Variants in UTP6 observed in about 807,000 individuals in gnomAD.
UTP6 encodes UTP6 small subunit processome component.
In UTP6, 60 loss-of-function variants were observed where a neutral mutation model predicts 96.5. The ratio of observed to expected loss-of-function variants is 0.62; its 90% CI spans 0.51 to 0.77. The LOEUF (loss-of-function observed/expected upper bound fraction) is 0.77, where lower values mean the gene tolerates loss of function less well. UTP6 is among the 30% of genes least tolerant of loss of function. The pLI is 0.00. For missense variants in UTP6, 637 were observed against 706.5 expected, an observed-to-expected ratio of 0.90 and a Z score of 1.12; for synonymous variants, 215 against 240.1, an observed-to-expected ratio of 0.90 and a Z score of 0.96.
rs1909542286 is a variant in UTP6 at position 31,861,004 on chromosome 17, A to G, written c.*2355T>C. Reference sequence around the variant, plus strand: ...TTGGCAAAATTAACTGCTTGGGGAAAAAGAGTTGTTCTCAGCACCAGGAAG... The same window carrying G: ...TTGGCAAAATTAACTGCTTGGGGAAGAAGAGTTGTTCTCAGCACCAGGAAG... On this transcript the variant is annotated 3_prime_UTR_variant, in exon 19 of 19. Coordinates refer to ENST00000261708, the MANE Select transcript of UTP6 (RefSeq NM_018428.3). The G allele has an allele frequency of 6.6e-6, 1 of 152,154 alleles. No homozygotes were observed. Among genetic ancestry groups the G allele is most frequent in the African/African-American group, 2.4e-5 (1 of 41,444 alleles). The allele number at this position is 152,154 out of a possible 1,614,324, so 9.4% of individuals were successfully genotyped here. A position where few individuals can be genotyped will look rare whatever the true frequency, so the allele number is the denominator to read the frequency against.
At chr17:31,869,157 C>G (rs1221951785) in intron 16 of UTP6, among the ~76,000 whole-genome samples, 2 of 152,222 alleles carry the variant, frequency 1.3e-5, no homozygotes, top group Admixed American at 6.6e-5. Context: ...AGTGGTATAT[C>G]ATACAGCTTT....
At position 31,873,887 on chromosome 17, in the gene UTP6, A is replaced by C. The variant is rs1319794376; in HGVS notation, c.1306-134T>G. 1.4e-5 allele frequency: 14 copies of C among 967,286 alleles called. No homozygotes were observed. In the African/African-American group the frequency reaches 1.5e-4, roughly 11 times the overall value. The allele number at this position is 967,286 out of a possible 1,614,324, so 59.9% of individuals were successfully genotyped here. A position where few individuals can be genotyped will look rare whatever the true frequency, so the allele number is the denominator to read the frequency against. On this transcript the variant is annotated intron_variant, in intron 14 of 18. Transcript: ENST00000261708. ...TGACAGTTTAGTCCTATGCTCTGAA[A>C]ACTAGTTAAAAAGGCAGGTTCCTCC...
At chr17:31,896,628 T>C (rs949615585) in intron 2 of UTP6, among the ~76,000 whole-genome samples, 3 of 149,460 alleles carry the variant, frequency 2.0e-5, no homozygotes, top group African/African-American at 7.6e-5. Context: ...GTAGTGTCTT[T>C]TTTGCACAGA....
chr17:31,868,233 A>T, intron 16 of UTP6, 121 bp from the exon 17 acceptor site: 1 of 825,892 alleles, frequency 1.2e-6, no homozygotes, highest in Middle Eastern at 2.3e-4. Context: ...TTGACTTCAA[A>T]TCAATGCAAG....
At chr17:31,891,843 T>C (rs1904339244) in intron 6 of UTP6, among the ~76,000 whole-genome samples, 1 of 152,096 alleles carries the variant, frequency 6.6e-6, no homozygotes. Flanking sequence ...ACCAACGTGG[T>C]AAAACCCAGT....
At chr17:31,866,169 C>A (rs567528826) in intron 17 of UTP6, among the ~76,000 whole-genome samples, 406 of 151,824 alleles carry the variant, frequency 2.7e-3, no homozygotes, top group African/African-American at 7.0e-3. Flanking sequence ...TGCCTGTAGT[C>A]CCAGCTACTC....
At chr17:31,893,541 G>A (rs554358112) in intron 4 of UTP6, among the ~76,000 whole-genome samples, 1 of 151,004 alleles carries the variant, frequency 6.6e-6, no homozygotes, top group African/African-American at 2.4e-5. Context: ...AGACCAGCCT[G>A]GCCAAGATGG....
intron 13 of UTP6, among the ~76,000 whole-genome samples, chr17:31,876,566 C>T (rs1910513580): frequency 6.6e-6 from 1 of 151,624 alleles, no homozygotes; most frequent in Non-Finnish European, 1.5e-5. Flanking sequence ...ATTGCTTGAA[C>T]CCAGGAGGCG....
In UTP6 at chr17:31,863,109, G is replaced by A. The variant is rs758850169; in HGVS notation, c.*250C>T. The A allele has an allele frequency of 8.6e-6, 4 of 463,678 alleles. No homozygotes were observed. Among genetic ancestry groups the A allele is most frequent in the African/African-American group, 1.9e-5 (1 of 51,286 alleles). The allele number at this position is 463,678 out of a possible 1,614,324, so 28.7% of individuals were successfully genotyped here. A position where few individuals can be genotyped will look rare whatever the true frequency, so the allele number is the denominator to read the frequency against. On this transcript the variant is annotated 3_prime_UTR_variant, in exon 19 of 19. Transcript: ENST00000261708. Reference sequence around the variant, plus strand: ...TAATCCCAGCTACTCAGGAGTCTGAGGTGAGAAGGTCACTTGAGTCCAGGA... The same window carrying A: ...TAATCCCAGCTACTCAGGAGTCTGAAGTGAGAAGGTCACTTGAGTCCAGGA...
chr17:31,880,634 G>C lies in UTP6; in HGVS notation c.906C>G (p.Val302=). The C allele has an allele frequency of 6.2e-7, 1 of 1,614,002 alleles. No individual in the cohort carries two copies. The highest frequency in any genetic ancestry group is 1.3e-5 in the African/African-American group (1 of 74,984). The part of the protein sequence containing the change: ...PTTKQAKAVE[V]GRKEERCCAV... ...CACAGCACCTCTCCTCCTTCCGGCC[G>C]ACCTCCACTGCTTTGGCTTGTTTCG... Residue 302 remains valine, a synonymous_variant, in exon 11 of 19, where the codon GTC becomes GTG. Transcript: ENST00000261708.
intron 7 of UTP6, 57 bp from the exon 8 acceptor site, chr17:31,887,370 G>A: frequency 6.7e-7 from 1 of 1,484,994 alleles, no homozygotes; most frequent in Non-Finnish European, 9.3e-7. Flanking sequence ...ATTTTTTTGA[G>A]ACAGGGTCTT....
chr17:31,899,705 G>T lies in UTP6; in HGVS notation c.118C>A (p.Leu40Ile). The change falls in exon 2 of 19, where the codon CTA becomes ATA. Residue 40 changes from leucine to isoleucine, a missense_variant. Physicochemically the swap from Leu to Ile is conservative, Grantham distance 5 (BLOSUM62 2). Transcript: ENST00000261708. Reference sequence around the variant, plus strand: ...GTTCTTCTCTGGATTTTGTACTCTAGATCGGAAGCCTTCTTAATGATAGCC... The same window carrying T: ...GTTCTTCTCTGGATTTTGTACTCTATATCGGAAGCCTTCTTAATGATAGCC... Reference protein sequence around the residue: ...IKAIIKKASDLEYKIQRRTLF... With the variant: ...IKAIIKKASDIEYKIQRRTLF... The T allele has an allele frequency of 6.2e-7, 1 of 1,601,210 alleles. No individual in the cohort carries two copies. The highest frequency in any genetic ancestry group is 8.5e-7 in the Non-Finnish European group (1 of 1,173,576).
At chr17:31,879,177 G>C (rs1910677367) in intron 11 of UTP6, among the ~76,000 whole-genome samples, 1 of 152,008 alleles carries the variant, frequency 6.6e-6, no homozygotes, top group Admixed American at 6.6e-5. Context: ...ATCACCTGAA[G>C]TCAGGAGTTC....
At chr17:31,881,054 T>C (rs1032861189) in intron 10 of UTP6, among the ~76,000 whole-genome samples, 4 of 151,816 alleles carry the variant, frequency 2.6e-5, no homozygotes, top group Non-Finnish European at 4.4e-5. Flanking sequence ...CATGTGACTG[T>C]AGTCCCAGCT....
intron 7 of UTP6, 36 bp from the exon 8 acceptor site, chr17:31,887,349 T>G: frequency 6.2e-7 from 1 of 1,600,472 alleles, no homozygotes; most frequent in Middle Eastern, 1.7e-4. Flanking sequence ...TCTTTGGAGA[T>G]GCTTTTTAAA....
chr17:31,873,245 C>A (rs1353416980), intron 16 of UTP6, 133 bp downstream of exon 16: 14 of 796,386 alleles, frequency 1.8e-5, no homozygotes, highest in Non-Finnish European at 2.6e-5. Flanking sequence ...CAGAGCAAGA[C>A]TCCATCTTAA....
chr17:31,883,477 G>A (rs940251049), intron 10 of UTP6, among the ~76,000 whole-genome samples: 2 of 151,590 alleles, frequency 1.3e-5, no homozygotes, highest in Non-Finnish European at 2.9e-5. Context: ...CACCACGCCC[G>A]ACTAATTTTG....
intron 5 of UTP6, 103 bp downstream of exon 5, chr17:31,892,644 A>T (rs1432073556): frequency 2.1e-6 from 3 of 1,421,474 alleles, no homozygotes; most frequent in African/African-American, 1.4e-5. Context: ...TTCTTTTTTC[A>T]TGTTAACCCT....
At chr17:31,882,015 TTG>T (rs147671007) in intron 10 of UTP6, among the ~76,000 whole-genome samples, 14 of 151,032 alleles carry the variant, frequency 9.3e-5, no homozygotes, top group South Asian at 2.1e-4. Context: ...TCATTTTCGT[TTG>T]TGTGTGTGTG....
Sources: allele counts gnomAD v4.1 joint callset (sites outside exome capture counted in the v4.1 genomes callset), GRCh38; gene constraint gnomAD v4.1.1; transcripts MANE v1.5; gene names NCBI Gene and HGNC (gene_info 2026-07-23, HGNC 2026-07-21).